OXCT1: variants seen among roughly 807,000 people sequenced by gnomAD.
OXCT1 encodes 3-oxoacid CoA-transferase 1, also known as succinyl-CoA:3-ketoacid coenzyme A transferase 1, mitochondrial.
OXCT1 carries 27 observed loss-of-function variants against 69.6 expected under a neutral mutation model. The ratio of observed to expected loss-of-function variants is 0.39; its 90% CI spans 0.29 to 0.54. OXCT1 has a LOEUF of 0.54. Ranked by LOEUF, OXCT1 falls within the 20% of genes least tolerant of loss-of-function variation. The probability of loss-of-function intolerance (pLI) is 0.72; values close to 1 mark genes in which losing one functional copy is unlikely to be tolerated. For missense variants in OXCT1, 437 were observed against 650.2 expected (o/e 0.67, Z 3.57); for synonymous variants, 202 against 217.8 (o/e 0.93, Z 0.64).
chr5:41,828,591 C>T (rs185245912), intron 7 of OXCT1, among the ~76,000 whole-genome samples: 8 of 152,318 alleles, frequency 5.3e-5, no homozygotes, highest in South Asian at 2.1e-4. Flanking sequence ...GCAGCAACTA[C>T]AGCTGGATAC....
chr5:41,812,587 C>T (rs1306307241), intron 7 of OXCT1, among the ~76,000 whole-genome samples: 2 of 151,988 alleles, frequency 1.3e-5, no homozygotes, highest in Admixed American at 1.3e-4. Context: ...CCTCAAAATG[C>T]TCAAGATAAG....
At chr5:41,744,989 C>T (rs1743393166) in intron 15 of OXCT1, among the ~76,000 whole-genome samples, 2 of 152,206 alleles carry the variant, frequency 1.3e-5, no homozygotes, top group South Asian at 4.2e-4. Context: ...TTAGACACAT[C>T]AACGAGACAG....
intron 3 of OXCT1, among the ~76,000 whole-genome samples, chr5:41,857,331 G>A (rs935375595): frequency 3.9e-5 from 6 of 152,156 alleles, no homozygotes; most frequent in African/African-American, 1.4e-4. Flanking sequence ...GGCCTGCAAG[G>A]TCCCATGTGA....
intron 7 of OXCT1, among the ~76,000 whole-genome samples, chr5:41,815,321 T>C (rs868305701): frequency 6.6e-6 from 1 of 152,162 alleles, no homozygotes; most frequent in South Asian, 2.1e-4. Flanking sequence ...AATACCAGCA[T>C]TGATTAGACT....
At chr5:41,781,829 C>G (rs970707231) in intron 13 of OXCT1, among the ~76,000 whole-genome samples, 1 of 152,088 alleles carries the variant, frequency 6.6e-6, no homozygotes, top group African/African-American at 2.4e-5. Flanking sequence ...TATATATGTG[C>G]CACATTTTCT....
intron 14 of OXCT1, among the ~76,000 whole-genome samples, chr5:41,758,054 G>T (rs960935359): frequency 6.6e-6 from 1 of 152,058 alleles, no homozygotes; most frequent in Non-Finnish European, 1.5e-5. Context: ...CTGCAGTAGT[G>T]ATCTATGCAG....
Position 41,825,580 on chromosome 5 carries a change from C to T in OXCT1, c.732+14871G>A, listed in dbSNP as rs549159786. ...AACTTACATTTTGGACCTTAAGTCCCTCTGTGTTCAGGGAGTTGTATGCCC... is the reference window on the plus strand; with the variant it reads ...AACTTACATTTTGGACCTTAAGTCCTTCTGTGTTCAGGGAGTTGTATGCCC... On this transcript the variant is annotated intron_variant, in intron 7 of 16. Transcript: ENST00000196371. Among the ~76,000 whole-genome samples the T allele has an allele frequency of 5.4e-4, 83 of 152,300 alleles. 1 individual carries two copies. The South Asian group carries it at 0.012, about 22-fold the overall frequency.
At chr5:41,863,951 T>C (rs1006637908) in intron 1 of OXCT1, among the ~76,000 whole-genome samples, 2 of 152,158 alleles carry the variant, frequency 1.3e-5, no homozygotes, top group Non-Finnish European at 2.9e-5. Flanking sequence ...AAAAACACCT[T>C]ACAAAACAAC....
intron 15 of OXCT1, 35 bp from the exon 16 acceptor site, chr5:41,739,526 T>C: frequency 7.0e-7 from 1 of 1,429,262 alleles, no homozygotes; most frequent in Non-Finnish European, 9.9e-7. Context: ...CAATGACAAT[T>C]TCCATCAAAA....
intron 4 of OXCT1, among the ~76,000 whole-genome samples, chr5:41,851,463 T>C (rs1749169329): frequency 6.6e-6 from 1 of 152,190 alleles, no homozygotes; most frequent in Non-Finnish European, 1.5e-5. Context: ...ATGTTTTATA[T>C]ATACCCTCCC....
At chr5:41,826,356 C>A (rs927086565) in intron 7 of OXCT1, among the ~76,000 whole-genome samples, 9 of 152,138 alleles carry the variant, frequency 5.9e-5, no homozygotes, top group Non-Finnish European at 1.2e-4. Context: ...ATGTGCCTTG[C>A]CAGCTGCCAT....
chr5:41,744,949 C>T (rs376954406), intron 15 of OXCT1, among the ~76,000 whole-genome samples: 1 of 152,026 alleles, frequency 6.6e-6, no homozygotes, highest in African/African-American at 2.4e-5. Context: ...GACTGCCACA[C>T]AATAATAATG....
Position 41,814,255 on chromosome 5 carries a change from G to A in OXCT1, c.733-6817C>T, listed in dbSNP as rs184744756. Among the ~76,000 whole-genome samples, 571 of 152,242 alleles carry A rather than the reference G, an allele frequency of 3.8e-3. 3 individuals carry two copies. Among genetic ancestry groups the A allele is most frequent in the African/African-American group, 0.013 (554 of 41,548 alleles). ...TCTACTGGTTAGGGAAATAAAATGG[G>A]TCAGTGTCAACTGAATGAACTTCAG... On this transcript the variant is annotated intron_variant, in intron 7 of 16. Coordinates refer to ENST00000196371, the MANE Select transcript of OXCT1 (RefSeq NM_000436.4).
At chr5:41,844,040 A>C (rs145980511) in intron 5 of OXCT1, among the ~76,000 whole-genome samples, 2 of 152,338 alleles carry the variant, frequency 1.3e-5, no homozygotes, top group Non-Finnish European at 2.9e-5. Flanking sequence ...AGATCTAGAA[A>C]ACTGGGGTAA....
intron 13 of OXCT1, among the ~76,000 whole-genome samples, chr5:41,785,177 G>C (rs1054755707): frequency 6.6e-6 from 1 of 152,102 alleles, no homozygotes; most frequent in Non-Finnish European, 1.5e-5. Context: ...ATAATATTTT[G>C]CTCCTGGAAA....
chr5:41,764,126 T>C (rs1352205960), intron 13 of OXCT1, among the ~76,000 whole-genome samples: 2 of 152,138 alleles, frequency 1.3e-5, no homozygotes, highest in African/African-American at 2.4e-5. Flanking sequence ...CCAAAGCACA[T>C]GTTACAACCT....
intron 13 of OXCT1, among the ~76,000 whole-genome samples, chr5:41,793,787 G>C (rs554606841): frequency 2.6e-5 from 4 of 152,058 alleles, no homozygotes; most frequent in Admixed American, 2.6e-4. Flanking sequence ...AGAGGTTTCG[G>C]CTCTGACCTT....
intron 13 of OXCT1, among the ~76,000 whole-genome samples, chr5:41,775,424 A>G (rs917963556): frequency 5.3e-5 from 8 of 152,074 alleles, no homozygotes; most frequent in Non-Finnish European, 7.4e-5. Flanking sequence ...GAATGGCCCA[A>G]TGGAAGAGAT....
chr5:41,764,236 T>C (rs1260894168), intron 13 of OXCT1, among the ~76,000 whole-genome samples: 2 of 152,132 alleles, frequency 1.3e-5, no homozygotes, highest in African/African-American at 4.8e-5. Flanking sequence ...CTGTTAACTA[T>C]GAGTCAATGG....
Sources: gnomAD v4.1 joint callset for allele counts (sites outside exome capture counted in the v4.1 genomes callset) on GRCh38, gnomAD v4.1.1 for gene constraint, MANE v1.5 for transcripts, NCBI Gene and HGNC (gene_info 2026-07-23, HGNC 2026-07-21) for gene names.